The following CEP104 variants were observed in gnomAD, a reference collection of about 807,000 sequenced individuals.
CEP104 encodes the protein centrosomal protein of 104 kDa.
A neutral mutation model predicts 113.3 loss-of-function variants in CEP104; 84 were observed. That is an observed-to-expected ratio of 0.74 (90% confidence interval 0.62 to 0.89). The LOEUF (loss-of-function observed/expected upper bound fraction) is 0.89. Ranked by LOEUF, CEP104 falls within the 40% of genes least tolerant of loss-of-function variation. CEP104 has a pLI of 0.00. For synonymous variants in CEP104, 378 were observed against 421.7 expected, an observed-to-expected ratio of 0.90 and a Z score of 1.27; for missense variants, 1,053 against 1,156.6, an observed-to-expected ratio of 0.91 and a Z score of 1.30.
At chr1:3,831,541 G>T (rs893678618) in intron 12 of CEP104, among the ~76,000 whole-genome samples, 1 of 152,124 alleles carries the variant, frequency 6.6e-6, no homozygotes, top group Admixed American at 6.6e-5. Flanking sequence ...TCAAGGAAAA[G>T]GTTTTCTCAT....
At chr1:3,848,954 G>A (rs1362687384) in intron 2 of CEP104, among the ~76,000 whole-genome samples, 173 bp from the exon 3 acceptor site, 1 of 152,164 alleles carries the variant, frequency 6.6e-6, no homozygotes, top group African/African-American at 2.4e-5. Context: ...GTTCTCTCGA[G>A]CTTTTCTTGT....
intron 20 of CEP104, among the ~76,000 whole-genome samples, chr1:3,818,239 T>C (rs1643910130): frequency 6.6e-6 from 1 of 152,224 alleles, no homozygotes; most frequent in African/African-American, 2.4e-5. Flanking sequence ...CTGTCTACAC[T>C]TGCTCTTTAG....
At chr1:3,852,032 G>A (rs771995095) in intron 2 of CEP104, among the ~76,000 whole-genome samples, 2 of 152,172 alleles carry the variant, frequency 1.3e-5, no homozygotes, top group Admixed American at 1.3e-4. Flanking sequence ...AGACAGTTAC[G>A]GGGCCTCATT....
intron 2 of CEP104, among the ~76,000 whole-genome samples, chr1:3,849,924 C>T (rs1049524642): frequency 1.3e-5 from 2 of 152,130 alleles, no homozygotes; most frequent in African/African-American, 2.4e-5. Flanking sequence ...CATGAGACAG[C>T]GGTCCCATAA....
At chr1:3,824,200 C>A (rs879506329) in intron 18 of CEP104, among the ~76,000 whole-genome samples, 4 of 152,172 alleles carry the variant, frequency 2.6e-5, no homozygotes, top group African/African-American at 4.8e-5. Flanking sequence ...GATTCTCCTG[C>A]CTCAGCCTCC....
chr1:3,842,378 C>T (rs989248192), intron 6 of CEP104, among the ~76,000 whole-genome samples: 1 of 152,248 alleles, frequency 6.6e-6, no homozygotes, highest in Non-Finnish European at 1.5e-5. Flanking sequence ...CCGCGCCCGG[C>T]CTTGGTGTTA....
intron 13 of CEP104, among the ~76,000 whole-genome samples, 185 bp from the exon 14 acceptor site, chr1:3,830,182 T>C (rs1395276376): frequency 1.3e-5 from 2 of 152,118 alleles, no homozygotes; most frequent in African/African-American, 4.8e-5. Flanking sequence ...TGTTATACTT[T>C]CATCACGCTT....
intron 4 of CEP104, among the ~76,000 whole-genome samples, chr1:3,847,018 G>C (rs1416848899): frequency 2.6e-5 from 4 of 152,028 alleles, no homozygotes; most frequent in African/African-American, 9.7e-5. Context: ...ACGTTGGGAG[G>C]GTTTATTTAC....
Position 3,814,042 on chromosome 1 carries a change from T to C in CEP104, c.*1360A>G, listed in dbSNP as rs1315399234. 1 of 152,214 alleles carries C rather than the reference T, an allele frequency of 6.6e-6. No individual in the cohort carries two copies. The highest frequency in any genetic ancestry group is 2.4e-5 in the African/African-American group (1 of 41,456). The allele number at this position is 152,214 out of a possible 1,614,324, so 9.4% of individuals were successfully genotyped here. ...GTTCAAATCGGGATTAGTTTTTAGA[T>C]ATTTTGTTGTTTCACACGGTTGGCA... On this transcript the variant is annotated 3_prime_UTR_variant, in exon 22 of 22. Coordinates refer to ENST00000378230, the MANE Select transcript of CEP104 (RefSeq NM_014704.4).
Position 3,823,594 on chromosome 1 carries a change from G to A in CEP104, c.2365-32C>T. ...TTCGAAATACAGAGCAAAGCATGTT[G>A]CTGAGAAAGCGGCAGCGCCCTCCAG... On this transcript the variant is annotated intron_variant, in intron 18 of 21. Coordinates refer to ENST00000378230, the MANE Select transcript of CEP104 (RefSeq NM_014704.4). The surrounding 1 kb of genome is among the most constrained non-coding windows in gnomAD (Gnocchi z 4.1). 6.2e-7 allele frequency: 1 copy of A among 1,613,760 alleles called. No homozygotes were observed. The highest frequency in any genetic ancestry group is 8.5e-7 in the Non-Finnish European group (1 of 1,179,852).
chr1:3,851,085 C>T (rs1644602386), intron 2 of CEP104, among the ~76,000 whole-genome samples: 2 of 152,170 alleles, frequency 1.3e-5, no homozygotes, highest in Non-Finnish European at 2.9e-5. Context: ...CCTCCAGCCA[C>T]AGGCTGGACC....
At chr1:3,831,879 CTGG>C (rs1214750538) in intron 12 of CEP104, among the ~76,000 whole-genome samples, 2 of 152,202 alleles carry the variant, frequency 1.3e-5, no homozygotes, top group African/African-American at 2.4e-5. Context: ...CTGACTCACT[CTGG>C]ATTTGGGCCT....
In CEP104 at chr1:3,833,968, C is replaced by G; in HGVS notation, c.1553G>C (p.Ser518Thr). The G allele has an allele frequency of 6.2e-7, 1 of 1,613,734 alleles. No homozygotes were observed. Among genetic ancestry groups the G allele is most frequent in the Non-Finnish European group, 8.5e-7 (1 of 1,179,622 alleles). ...ITQYIPKHKL[S>T]KLETAHCVER... ...CACACAGTGAGCTGTTTCAAGTTTA[C>G]TCAGTTTATGTTTAGGAATATATTG... Residue 518 changes from serine to threonine, a missense_variant, in exon 12 of 22, where the codon AGT (serine) becomes ACT (threonine). Physicochemically the swap from Ser to Thr is moderately conservative, Grantham distance 58. Transcript: ENST00000378230.
intron 1 of CEP104, among the ~76,000 whole-genome samples, chr1:3,853,963 T>A (rs1644663790): frequency 1.3e-5 from 2 of 152,180 alleles, no homozygotes; most frequent in Admixed American, 6.5e-5. Flanking sequence ...TTTGAAAGGA[T>A]GAGTGTGATT....
At chr1:3,830,941 T>A in intron 13 of CEP104, 105 bp downstream of exon 13, 1 of 1,195,350 alleles carries the variant, frequency 8.4e-7, no homozygotes, top group Non-Finnish European at 1.2e-6. Flanking sequence ...CTGAAATCAC[T>A]GCCTCAGTCA....
At chr1:3,855,569 C>G (rs1227398442) in intron 1 of CEP104, among the ~76,000 whole-genome samples, 3 of 152,076 alleles carry the variant, frequency 2.0e-5, no homozygotes, top group Admixed American at 2.0e-4. Flanking sequence ...CTATACTGCC[C>G]CCAACAAATC....
Position 3,829,900 on chromosome 1 carries a change from A to T in CEP104, c.1934T>A (p.Leu645Gln). The T allele has an allele frequency of 1.2e-6, 2 of 1,614,194 alleles. No homozygotes were observed. The highest frequency in any genetic ancestry group is 1.7e-6 in the Non-Finnish European group (2 of 1,180,026). Residue 645 changes from leucine (L) to glutamine (Q), a missense_variant, in exon 14 of 22, where the codon CTG becomes CAG. Physicochemically the swap from Leu to Gln is moderately radical, Grantham distance 113. Transcript: ENST00000378230. ...DMYRQHQASI[L>Q]EYLPPDDSNT... is the part of the protein sequence containing the mutation. ...GCTGTCGTCTGGAGGAAGGTACTCC[A>T]GGATGGAAGCCTGGTGCTGTCTGTA...
chr1:3,812,089 A>G lies in CEP104; in HGVS notation c.*3313T>C, dbSNP rs1457328396. ...GTTGAAATAAAGTGACAAAACATTT[A>G]GTGATCTTTTTATTATATTAATATA... is the stretch of plus-strand genomic sequence containing the variant. On this transcript the variant is annotated 3_prime_UTR_variant, in exon 22 of 22. Transcript: ENST00000378230. 6.6e-6 allele frequency: 1 copy of G among 152,246 alleles called. No homozygotes were observed. Among genetic ancestry groups the G allele is most frequent in the African/African-American group, 2.4e-5 (1 of 41,466 alleles). The allele number at this position is 152,246 out of a possible 1,614,324, so 9.4% of individuals were successfully genotyped here. A position where few individuals can be genotyped will look rare whatever the true frequency, so the allele number is the denominator to read the frequency against.
chr1:3,836,463 A>AC, intron 10 of CEP104, 32 bp downstream of exon 10: 1 of 1,441,378 alleles, frequency 6.9e-7, no homozygotes, highest in Non-Finnish European at 9.3e-7. Context: ...CCCCTCTGCC[A>AC]CCCCGTTTTT....
Sources: allele counts gnomAD v4.1 joint callset (sites outside exome capture counted in the v4.1 genomes callset), GRCh38; gene constraint gnomAD v4.1.1; non-coding constraint Gnocchi (gnomAD v3.1); transcripts MANE v1.5; gene names NCBI Gene and HGNC (gene_info 2026-07-23, HGNC 2026-07-21).